The following CABIN1 variants were observed in gnomAD, a reference collection of about 807,000 sequenced individuals.
CABIN1 encodes the protein calcineurin-binding protein cabin-1.
CABIN1 carries 133 observed loss-of-function variants against 227.7 expected under a neutral mutation model. That is an observed-to-expected ratio of 0.58 (90% CI 0.51 to 0.67). The LOEUF (loss-of-function observed/expected upper bound fraction) is 0.67. CABIN1 is among the 30% of genes least tolerant of loss of function. The pLI is 0.00. For missense variants in CABIN1, 2,408 were observed against 2,852.5 expected (o/e 0.84, Z 3.55); for synonymous variants, 1,086 against 1,155.1 (o/e 0.94, Z 1.21).
At chr22:24,022,730 T>C (rs533885531) in intron 1 of CABIN1, among the ~76,000 whole-genome samples, 50 of 152,338 alleles carry the variant, frequency 3.3e-4, no homozygotes, top group African/African-American at 1.1e-3. Flanking sequence ...AGTTGCTCTG[T>C]GTTGGCATTA....
At chr22:24,093,611 A>G (rs187831832) in intron 24 of CABIN1, among the ~76,000 whole-genome samples, 6 of 152,244 alleles carry the variant, frequency 3.9e-5, no homozygotes, top group African/African-American at 1.2e-4. Flanking sequence ...GCTCACACCT[A>G]TAATCCCACT....
chr22:24,151,706 C>T (rs1049505668), intron 29 of CABIN1, among the ~76,000 whole-genome samples: 4 of 152,182 alleles, frequency 2.6e-5, no homozygotes, highest in Admixed American at 1.3e-4. Flanking sequence ...GCCTGCTGGC[C>T]AGTCTTCTCT....
chr22:24,084,151 G>A (rs941595912), intron 20 of CABIN1, among the ~76,000 whole-genome samples: 17 of 152,164 alleles, frequency 1.1e-4, no homozygotes, highest in African/African-American at 3.9e-4. Context: ...CTTATAGAGC[G>A]CAGCTTGTGG....
chr22:24,059,199 C>CT (rs780849140), intron 10 of CABIN1, 28 bp from the exon 11 acceptor site: 1 of 1,613,942 alleles, frequency 6.2e-7, no homozygotes, highest in Admixed American at 1.7e-5. Context: ...TGTGTTGTGA[C>CT]TTTGTGATTT....
At chr22:24,121,045 G>A (rs1475760554) in intron 28 of CABIN1, among the ~76,000 whole-genome samples, 1 of 152,224 alleles carries the variant, frequency 6.6e-6, no homozygotes, top group South Asian at 2.1e-4. Context: ...ATTCTGGGCT[G>A]GCATTGGTGT....
At chr22:24,146,025 G>T (rs1043486621) in intron 29 of CABIN1, among the ~76,000 whole-genome samples, 3 of 152,144 alleles carry the variant, frequency 2.0e-5, no homozygotes. Flanking sequence ...GCCTCTCTGA[G>T]TACCTCCTCT....
intron 29 of CABIN1, among the ~76,000 whole-genome samples, chr22:24,158,796 T>C (rs1174760888): frequency 6.6e-6 from 1 of 152,182 alleles, no homozygotes; most frequent in Non-Finnish European, 1.5e-5. Context: ...GAAGTTGGGC[T>C]TCCCCAGCAT....
chr22:24,101,280 T>C (rs1982851055), intron 26 of CABIN1, among the ~76,000 whole-genome samples: 1 of 152,210 alleles, frequency 6.6e-6, no homozygotes, highest in Admixed American at 6.5e-5. Context: ...GTTTAAGATT[T>C]AGAAAAGATT....
chr22:24,071,692 C>T (rs1323377872), intron 17 of CABIN1, among the ~76,000 whole-genome samples: 4 of 152,192 alleles, frequency 2.6e-5, no homozygotes. Flanking sequence ...ACAGAGGCAC[C>T]TTTCCAAAAC....
chr22:24,146,391 G>GT (rs1250508615), intron 29 of CABIN1, among the ~76,000 whole-genome samples: 1 of 152,230 alleles, frequency 6.6e-6, no homozygotes, highest in Non-Finnish European at 1.5e-5. Flanking sequence ...TGCAAGCTTT[G>GT]TGGAACTTCA....
intron 29 of CABIN1, among the ~76,000 whole-genome samples, chr22:24,159,594 C>G (rs1324591240): frequency 1.3e-5 from 2 of 152,184 alleles, no homozygotes; most frequent in African/African-American, 4.8e-5. Flanking sequence ...TGTCTACTCC[C>G]AAGTATGGTT....
intron 1 of CABIN1, among the ~76,000 whole-genome samples, chr22:24,019,824 A>ATT (rs1401175387): frequency 6.6e-6 from 1 of 150,952 alleles, no homozygotes; most frequent in African/African-American, 2.4e-5. Context: ...TGCCCAGCTA[A>ATT]TTTTGTATTT....
chr22:24,162,480 G>A (rs1174927643), intron 29 of CABIN1, among the ~76,000 whole-genome samples: 1 of 152,248 alleles, frequency 6.6e-6, no homozygotes, highest in Non-Finnish European at 1.5e-5. Flanking sequence ...ACTGGGGCAT[G>A]TGAATGAAGA....
chr22:24,087,863 C>G, intron 23 of CABIN1, 150 bp downstream of exon 23: 1 of 1,071,916 alleles, frequency 9.3e-7, no homozygotes, highest in Non-Finnish European at 1.4e-6. Flanking sequence ...GAGGCTTAAG[C>G]CATACCATGG....
intron 1 of CABIN1, among the ~76,000 whole-genome samples, chr22:24,012,180 C>T (rs1285053794): frequency 1.3e-5 from 2 of 152,162 alleles, no homozygotes; most frequent in African/African-American, 4.8e-5. Context: ...GGTCCATACT[C>T]TGTCTACTTA....
chr22:24,140,906 G>A (rs905893210), intron 29 of CABIN1, among the ~76,000 whole-genome samples: 1 of 152,156 alleles, frequency 6.6e-6, no homozygotes, highest in East Asian at 1.9e-4. Context: ...CAGGTCCCAA[G>A]ATCACTGAGA....
chr22:24,056,099 A>G (rs2146289752), intron 9 of CABIN1, 93 bp from the exon 10 acceptor site: 3 of 1,067,192 alleles, frequency 2.8e-6, no homozygotes, highest in Middle Eastern at 2.0e-4. Flanking sequence ...TAATGCTAGT[A>G]GATTTATAAA....
rs1177683533 is a variant in CABIN1, at chr22:24,096,073, C to A, written c.3929C>A (p.Ala1310Asp). The A allele has an allele frequency of 6.2e-7, 1 of 1,614,132 alleles. No homozygotes were observed. Among genetic ancestry groups the A allele is most frequent in the Non-Finnish European group, 8.5e-7 (1 of 1,179,980 alleles). The change falls in exon 25 of 37, where the codon GCT (alanine) becomes GAT (aspartate). Residue 1310 changes from alanine to aspartate, a missense_variant. Physicochemically the swap from Ala to Asp is moderately radical, Grantham distance 126. Transcript: ENST00000263119. ...GGCGAGGAGAAGAACACACCCAAAG[C>A]TTCAGAAAAGTGAGTAGCACCCTTC... is the stretch of plus-strand genomic sequence containing the variant. ...ARGEEKNTPK[A>D]SEKEKACLVD... is the part of the protein sequence containing the mutation.
chr22:24,023,730 T>C (rs1251374446), intron 1 of CABIN1, among the ~76,000 whole-genome samples: 2 of 151,992 alleles, frequency 1.3e-5, no homozygotes, highest in African/African-American at 4.8e-5. Context: ...TTGAAAGTCA[T>C]TTACCTGTTT....
Sources: allele counts gnomAD v4.1 joint callset (sites outside exome capture counted in the v4.1 genomes callset), GRCh38; gene constraint gnomAD v4.1.1; transcripts MANE v1.5; gene names NCBI Gene and HGNC (gene_info 2026-07-23, HGNC 2026-07-21).